The following MAST4 variants were observed in gnomAD, a reference collection of about 807,000 sequenced individuals.
MAST4 encodes microtubule associated serine/threonine kinase family member 4, also known as microtubule-associated serine/threonine-protein kinase 4.
MAST4 carries 89 observed loss-of-function variants against 162.7 expected under a neutral mutation model. That is an observed-to-expected ratio of 0.55 (90% CI 0.46 to 0.65). The LOEUF is 0.65. Ranked by LOEUF, MAST4 falls within the 30% of genes least tolerant of loss-of-function variation. The probability of loss-of-function intolerance (pLI) is 0.00; values close to 1 mark genes in which losing one functional copy is unlikely to be tolerated. For missense variants in MAST4, 3,153 were observed against 3,374.0 expected, an observed-to-expected ratio of 0.93 and a Z score of 1.62; for synonymous variants, 1,479 against 1,361.1, an observed-to-expected ratio of 1.09 and a Z score of -1.91.
At chr5:66,757,617 C>G (rs561131974) in intron 1 of MAST4, among the ~76,000 whole-genome samples, 1 of 145,026 alleles carries the variant, frequency 6.9e-6, no homozygotes, top group African/African-American at 2.6e-5. Context: ...TTAGAACAGG[C>G]ATGTTGAAGT....
chr5:66,754,273 G>A (rs887349014), intron 1 of MAST4, among the ~76,000 whole-genome samples: 2 of 152,168 alleles, frequency 1.3e-5, no homozygotes, highest in African/African-American at 4.8e-5. Context: ...TATGCTAGCA[G>A]GGATACAGTT....
At chr5:67,141,980 T>A (rs1434189146) in intron 19 of MAST4, 135 bp from the exon 20 acceptor site, 33 of 945,414 alleles carry the variant, frequency 3.5e-5, no homozygotes, top group Non-Finnish European at 4.8e-5. Context: ...GGTTGTAGAA[T>A]GAAAAAGTAT....
chr5:67,136,353 C>A (rs532672572), intron 18 of MAST4, among the ~76,000 whole-genome samples: 1 of 152,162 alleles, frequency 6.6e-6, no homozygotes, highest in Non-Finnish European at 1.5e-5. Flanking sequence ...AAAATCTATG[C>A]TACTTATGTC....
In MAST4 at chr5:66,788,724, A is replaced by G. The variant is rs1755238127; in HGVS notation, c.572A>G (p.Glu191Gly). 3.1e-6 allele frequency: 5 copies of G among 1,613,434 alleles called. No homozygotes were observed. The highest frequency in any genetic ancestry group is 4.2e-6 in the Non-Finnish European group (5 of 1,179,632). The change falls in exon 3 of 29, where the codon GAG (glutamate) becomes GGG (glycine). Residue 191 changes from glutamate (E) to glycine (G), a missense_variant. Around this residue, in one of 7 missense-constraint regions of MAST4, gnomAD observed 327 missense variants for 336.5 expected, o/e 0.97. Transcript: ENST00000403625. ...GGACAGGCCTGGCCGGCCTCTGCAG[A>G]GACGTCCAACCTCGTGCGCATGCGC... is the stretch of plus-strand genomic sequence containing the variant. ...VAGQAWPASAETSNLVRMRSQ... is the reference protein window; with the variant it reads ...VAGQAWPASAGTSNLVRMRSQ...
chr5:67,086,288 C>T (rs1459331844), intron 5 of MAST4, among the ~76,000 whole-genome samples: 1 of 152,170 alleles, frequency 6.6e-6, no homozygotes, highest in African/African-American at 2.4e-5. Context: ...CTATAGAGGG[C>T]ATAGCATATG....
At chr5:66,658,648 T>G (rs890137518) in intron 1 of MAST4, among the ~76,000 whole-genome samples, 3 of 152,206 alleles carry the variant, frequency 2.0e-5, no homozygotes, top group Admixed American at 2.0e-4. Flanking sequence ...TCAAACACTG[T>G]CTCTTTAATG....
At chr5:67,147,161 TTCTC>T (rs768604496) in intron 23 of MAST4, among the ~76,000 whole-genome samples, 14 of 150,304 alleles carry the variant, frequency 9.3e-5, no homozygotes, top group African/African-American at 2.7e-4. Context: ...CACACCATCT[TTCTC>T]TCTCTCTCTC....
intron 4 of MAST4, among the ~76,000 whole-genome samples, chr5:66,903,980 A>T (rs1763180400): frequency 6.6e-6 from 1 of 152,216 alleles, no homozygotes; most frequent in African/African-American, 2.4e-5. Context: ...TCATGGTTTC[A>T]ATTCAGTGTG....
intron 1 of MAST4, among the ~76,000 whole-genome samples, chr5:66,603,982 A>G (rs575542410): frequency 9.2e-5 from 14 of 152,182 alleles, no homozygotes; most frequent in Middle Eastern, 3.2e-3. Flanking sequence ...GCTGCTGCGC[A>G]TTTGTGTTTT....
intron 5 of MAST4, among the ~76,000 whole-genome samples, chr5:67,073,810 A>G (rs766808273): frequency 1.7e-4 from 26 of 152,240 alleles, no homozygotes; most frequent in Non-Finnish European, 3.4e-4. Context: ...CTTTCATACT[A>G]TATATACTAA....
At chr5:66,671,485 A>G (rs1376883844) in intron 1 of MAST4, among the ~76,000 whole-genome samples, 2 of 152,174 alleles carry the variant, frequency 1.3e-5, no homozygotes, top group Non-Finnish European at 2.9e-5. Flanking sequence ...ACTGACTCCC[A>G]TGTTTACCCT....
At chr5:67,000,756 A>AAGG (rs1554079054) in intron 4 of MAST4, among the ~76,000 whole-genome samples, 9 of 141,432 alleles carry the variant, frequency 6.4e-5, no homozygotes, top group African/African-American at 1.3e-4. Context: ...CTAAAAAAAA[A>AAGG]GGGGGGGGGT....
intron 5 of MAST4, among the ~76,000 whole-genome samples, chr5:67,084,091 G>T (rs1205433132): frequency 6.6e-6 from 1 of 152,182 alleles, no homozygotes; most frequent in African/African-American, 2.4e-5. Context: ...CAGAGAAACA[G>T]CTTCATGAAA....
intron 4 of MAST4, among the ~76,000 whole-genome samples, chr5:67,038,256 T>TA (rs58190814): frequency 1.4e-5 from 2 of 144,010 alleles, no homozygotes; most frequent in East Asian, 2.0e-4. Flanking sequence ...TTTTTTTTTT[T>TA]AACACAGATT....
intron 2 of MAST4, among the ~76,000 whole-genome samples, chr5:66,769,012 G>A (rs1046519913): frequency 7.2e-5 from 11 of 152,220 alleles, no homozygotes; most frequent in African/African-American, 2.6e-4. Flanking sequence ...AAGAGAAGGA[G>A]ATATGACATA....
chr5:67,124,079 C>G (rs1767901653), intron 14 of MAST4, among the ~76,000 whole-genome samples: 1 of 152,192 alleles, frequency 6.6e-6, no homozygotes, highest in Admixed American at 6.5e-5. Flanking sequence ...GCTCTAGATC[C>G]TGTCAGCTTC....
At chr5:66,767,250 C>A (rs1754144637) in intron 2 of MAST4, among the ~76,000 whole-genome samples, 1 of 148,764 alleles carries the variant, frequency 6.7e-6, no homozygotes. Context: ...GCTGGCCTTG[C>A]CTCAGCATTC....
intron 4 of MAST4, among the ~76,000 whole-genome samples, chr5:67,012,892 T>A (rs1581197743): frequency 6.6e-6 from 1 of 152,300 alleles, no homozygotes; most frequent in East Asian, 1.9e-4. Context: ...TATACTAATA[T>A]CACAACTGAC....
intron 1 of MAST4, among the ~76,000 whole-genome samples, chr5:66,751,434 C>T (rs916917954): frequency 1.2e-4 from 19 of 152,028 alleles, no homozygotes; most frequent in Non-Finnish European, 2.2e-4. Context: ...ATAACCAATA[C>T]AGAGAAGTGC....
Sources: allele counts gnomAD v4.1 joint callset (sites outside exome capture counted in the v4.1 genomes callset), GRCh38; gene constraint gnomAD v4.1.1; regional missense constraint gnomAD v4.1.1; transcripts MANE v1.5; gene names NCBI Gene and HGNC (gene_info 2026-07-23, HGNC 2026-07-21).